Variants in ASXL2 observed in about 807,000 individuals in gnomAD.
The protein encoded by ASXL2 is putative Polycomb group protein ASXL2.
Under a neutral mutation model 122.0 loss-of-function variants are expected in ASXL2, and 23 were observed. The ratio of observed to expected loss-of-function variants is 0.19; its 90% CI spans 0.14 to 0.27. ASXL2 has a LOEUF of 0.27. Ranked by LOEUF, ASXL2 falls within the 10% of genes least tolerant of loss-of-function variation. The probability of loss-of-function intolerance (pLI) is 1.00; values close to 1 mark genes in which losing one functional copy is unlikely to be tolerated. For missense variants in ASXL2, 1,518 were observed against 1,713.8 expected (o/e 0.89, Z 2.02); for synonymous variants, 650 against 637.0 (o/e 1.02, Z -0.31).
chr2:25,749,733 C>G lies in ASXL2; in HGVS notation c.1823G>C (p.Gly608Ala). 1 of 1,549,452 alleles carries G rather than the reference C, an allele frequency of 6.5e-7. No individual in the cohort carries two copies. Among genetic ancestry groups the G allele is most frequent in the East Asian group, 2.3e-5 (1 of 44,374 alleles). The change falls in exon 12 of 13, where the codon GGG (glycine) becomes GCG (alanine). Residue 608 changes from glycine (G) to alanine (A), a missense_variant. By Grantham distance (60) the Gly-to-Ala change is moderately conservative (BLOSUM62 0). Transcript: ENST00000435504. ...TACTTTTCGCACCTGGATTCTGTCCCCTCTATTGAGAAAGGGCTGTGGTGA... is the reference window on the plus strand; with the variant it reads ...TACTTTTCGCACCTGGATTCTGTCCGCTCTATTGAGAAAGGGCTGTGGTGA... The part of the protein sequence containing the change: ...QVSPQPFLNR[G>A]DRIQVRKVPP...
At chr2:25,755,039 C>T (rs1415754081) in intron 10 of ASXL2, among the ~76,000 whole-genome samples, 1 of 152,146 alleles carries the variant, frequency 6.6e-6, no homozygotes, top group Non-Finnish European at 1.5e-5. Context: ...AAGAGCATTC[C>T]TAATGCGTTC....
chr2:25,804,698 C>A (rs779985978), intron 4 of ASXL2, among the ~76,000 whole-genome samples: 1 of 152,048 alleles, frequency 6.6e-6, no homozygotes, highest in Non-Finnish European at 1.5e-5. Flanking sequence ...TTTTCCTGTT[C>A]GTAAGTGAAA....
intron 3 of ASXL2, among the ~76,000 whole-genome samples, chr2:25,835,325 T>C (rs1456008167): frequency 6.6e-6 from 1 of 152,194 alleles, no homozygotes; most frequent in Non-Finnish European, 1.5e-5. Context: ...TCTAAACTTA[T>C]GATCAAACAA....
At chr2:25,810,395 C>T (rs2089150913) in intron 3 of ASXL2, 1 of 678,362 alleles carries the variant, frequency 1.5e-6, no homozygotes, top group African/African-American at 1.8e-5. Flanking sequence ...ATATCTCTCT[C>T]ACTCTGATCA....
At chr2:25,772,729 CAAAAAAAAAAAAAAAA>C (rs70950119) in intron 5 of ASXL2, among the ~76,000 whole-genome samples, 1 of 58,940 alleles carries the variant, frequency 1.7e-5, no homozygotes, top group Non-Finnish European at 3.0e-5. Flanking sequence ...AACTTGGTCT[CAAAAAAAAAAAAAAAA>C]AAAAAAAAAA....
Position 25,772,657 on chromosome 2 carries a change from G to A in ASXL2, c.404-1117C>T, listed in dbSNP as rs1020211499. Among the ~76,000 whole-genome samples, 8 of 149,842 alleles carry A rather than the reference G, an allele frequency of 5.3e-5. No homozygotes were observed. In the East Asian group the frequency reaches 1.6e-3, roughly 29 times the overall value. Reference sequence around the variant, plus strand: ...GAGGGAAGAGAATCGCTTGAACCTGGGAGGCGGAAGTTGTGGTGAGGAGAT... The same window carrying A: ...GAGGGAAGAGAATCGCTTGAACCTGAGAGGCGGAAGTTGTGGTGAGGAGAT... On this transcript the variant is annotated intron_variant, in intron 5 of 12. Transcript: ENST00000435504.
At chr2:25,754,346 T>C (rs1048729502) in intron 10 of ASXL2, among the ~76,000 whole-genome samples, 4 of 152,188 alleles carry the variant, frequency 2.6e-5, no homozygotes, top group Admixed American at 6.5e-5. Context: ...GTGGCTCAGA[T>C]AGACTGCTCT....
intron 5 of ASXL2, among the ~76,000 whole-genome samples, chr2:25,774,584 G>A (rs1303382380): frequency 1.3e-5 from 2 of 152,120 alleles, no homozygotes; most frequent in Non-Finnish European, 2.9e-5. Flanking sequence ...GAATTCTGTT[G>A]TGAAAATATC....
At chr2:25,786,865 A>T (rs187377992) in intron 5 of ASXL2, among the ~76,000 whole-genome samples, 5 of 152,048 alleles carry the variant, frequency 3.3e-5, no homozygotes, top group Non-Finnish European at 4.4e-5. Flanking sequence ...AAAAACAAAC[A>T]AACAAAAATT....
chr2:25,856,354 T>C (rs2089776578), intron 1 of ASXL2: 5 of 451,776 alleles, frequency 1.1e-5, no homozygotes, highest in South Asian at 3.7e-5. Context: ...ACTGCTCACC[T>C]GGCCTATACT....
In ASXL2 at chr2:25,790,366, G is replaced by T. The variant is rs181055897; in HGVS notation, c.403+9019C>A. ...GAAGCGCATGAGCAAGGTTTCCTAG[G>T]ACTACATCTTAAAAAAAAAAACAAA... On this transcript the variant is annotated intron_variant, in intron 5 of 12. Transcript: ENST00000435504. Among the ~76,000 whole-genome samples the T allele has an allele frequency of 3.9e-4, 58 of 147,714 alleles. 1 individual carries two copies. The highest frequency in any genetic ancestry group is 3.2e-3 in the Admixed American group (47 of 14,688).
chr2:25,775,466 G>A (rs1241586361), intron 5 of ASXL2, among the ~76,000 whole-genome samples: 5 of 152,102 alleles, frequency 3.3e-5, no homozygotes, highest in Admixed American at 1.3e-4. Context: ...ACGTGTCAGC[G>A]GAGTGACCTG....
intron 9 of ASXL2, among the ~76,000 whole-genome samples, chr2:25,758,877 G>C (rs2088187433): frequency 6.6e-6 from 1 of 151,748 alleles, no homozygotes; most frequent in Non-Finnish European, 1.5e-5. Context: ...GCTTATTCCT[G>C]ACATTTCCCA....
intron 11 of ASXL2, 101 bp from the exon 12 acceptor site, chr2:25,750,514 C>A: frequency 9.8e-7 from 1 of 1,016,002 alleles, no homozygotes; most frequent in Non-Finnish European, 1.4e-6. Context: ...CTAGGAGAAC[C>A]CCTGACACAG....
chr2:25,784,712 A>G (rs1277704264), intron 5 of ASXL2, among the ~76,000 whole-genome samples: 2 of 152,072 alleles, frequency 1.3e-5, no homozygotes, highest in African/African-American at 4.8e-5. Flanking sequence ...GTCACACGGC[A>G]CTCTCTTCAT....
intron 1 of ASXL2, among the ~76,000 whole-genome samples, chr2:25,864,480 T>C (rs773251862): frequency 9.2e-5 from 14 of 152,130 alleles, no homozygotes; most frequent in Non-Finnish European, 1.9e-4. Flanking sequence ...AGACTTTTAG[T>C]GGCAGGTGAC....
chr2:25,829,669 T>G (rs2089427214), intron 3 of ASXL2, among the ~76,000 whole-genome samples: 1 of 152,206 alleles, frequency 6.6e-6, no homozygotes, highest in South Asian at 2.1e-4. Flanking sequence ...TCCTGGCATT[T>G]CCCAACTAAG....
chr2:25,790,321 T>TG (rs1205960960), intron 5 of ASXL2, among the ~76,000 whole-genome samples: 2 of 2,798 alleles, frequency 7.1e-4, no homozygotes, highest in African/African-American at 4.1e-3. Context: ...AGTTGCGGGG[T>TG]GGGGGTGGGG....
intron 5 of ASXL2, among the ~76,000 whole-genome samples, chr2:25,777,342 A>G (rs2088562142): frequency 6.6e-6 from 1 of 152,134 alleles, no homozygotes; most frequent in Non-Finnish European, 1.5e-5. Context: ...ACAAGCAGCA[A>G]ATAAGACTTA....
Sources: gnomAD v4.1 joint callset for allele counts (sites outside exome capture counted in the v4.1 genomes callset) on GRCh38, gnomAD v4.1.1 for gene constraint, MANE v1.5 for transcripts, NCBI Gene and HGNC (gene_info 2026-07-23, HGNC 2026-07-21) for gene names.